PHACTR1: variants seen among roughly 807,000 people sequenced by gnomAD.
The protein encoded by PHACTR1 is phosphatase and actin regulator 1, also known as RPEL repeat containing 1.
In PHACTR1, 16 loss-of-function variants were observed where a neutral mutation model predicts 69.2. The ratio of observed to expected loss-of-function variants is 0.23; its 90% confidence interval spans 0.16 to 0.35. The LOEUF (loss-of-function observed/expected upper bound fraction) is 0.35, where lower values mean the gene tolerates loss of function less well. PHACTR1 is among the 10% of genes least tolerant of loss of function. The pLI, the probability that PHACTR1 is intolerant of heterozygous loss-of-function variation, is 1.00. For missense variants in PHACTR1, 510 were observed against 734.7 expected (o/e 0.69, Z 3.54); for synonymous variants, 312 against 284.5 (o/e 1.10, Z -0.97).
At chr6:12,891,061 T>C (rs1784123315) in intron 4 of PHACTR1, among the ~76,000 whole-genome samples, 1 of 152,204 alleles carries the variant, frequency 6.6e-6, no homozygotes, top group Non-Finnish European at 1.5e-5. Flanking sequence ...AAAAAGATTT[T>C]TGTAGGTTGC....
intron 7 of PHACTR1, among the ~76,000 whole-genome samples, chr6:13,204,557 C>T (rs1561989582): frequency 6.6e-6 from 1 of 152,168 alleles, no homozygotes; most frequent in South Asian, 2.1e-4. Context: ...TAGTCTGACC[C>T]TGAGCCCCTC....
intron 10 of PHACTR1, among the ~76,000 whole-genome samples, chr6:13,243,404 A>G (rs1773138756): frequency 6.6e-6 from 1 of 152,092 alleles, no homozygotes; most frequent in Admixed American, 6.5e-5. Flanking sequence ...CAATGAATAA[A>G]CTCTGATTTA....
Position 13,283,324 on chromosome 6 carries a change from C to T in PHACTR1, c.1510-98C>T. The T allele has an allele frequency of 2.1e-6, 3 of 1,400,274 alleles. No homozygotes were observed. Among genetic ancestry groups the T allele is most frequent in the Non-Finnish European group, 2.9e-6 (3 of 1,033,296 alleles). The allele number at this position is 1,400,274 out of a possible 1,614,324, so 86.7% of individuals were successfully genotyped here. On this transcript the variant is annotated intron_variant, in intron 12 of 14. Coordinates refer to ENST00000332995, the MANE Select transcript of PHACTR1 (RefSeq NM_030948.6). This position sits in a 1 kb window ranked among gnomAD's most constrained non-coding sequence, Gnocchi z 4.7. ...ACTATGCGATGCATCCATCGCCTCA[C>T]TGAACCTTATTTTCCACACCTGCAA... is the stretch of plus-strand genomic sequence containing the variant.
At chr6:12,910,831 C>T (rs1457859496) in intron 4 of PHACTR1, among the ~76,000 whole-genome samples, 1 of 152,172 alleles carries the variant, frequency 6.6e-6, no homozygotes, top group Non-Finnish European at 1.5e-5. Context: ...CTGGCTGGCT[C>T]TGCTGCACTA....
At chr6:12,964,289 A>C (rs146404310) in intron 4 of PHACTR1, among the ~76,000 whole-genome samples, 1 of 152,240 alleles carries the variant, frequency 6.6e-6, no homozygotes, top group Non-Finnish European at 1.5e-5. Flanking sequence ...ATTTTAACAA[A>C]ATATAGAAAA....
At chr6:12,823,046 C>A (rs1326429766) in intron 4 of PHACTR1, among the ~76,000 whole-genome samples, 2 of 152,148 alleles carry the variant, frequency 1.3e-5, no homozygotes, top group African/African-American at 4.8e-5. Context: ...GGCACCTTGG[C>A]TTCTGATTAG....
intron 4 of PHACTR1, among the ~76,000 whole-genome samples, chr6:12,842,615 C>T (rs538316470): frequency 8.8e-4 from 134 of 152,270 alleles, no homozygotes; most frequent in Non-Finnish European, 1.2e-3. Flanking sequence ...GATCAAGGCT[C>T]ACTGCAGCCT....
chr6:12,933,606 A>C (rs751502885), intron 4 of PHACTR1: 2 of 1,611,148 alleles, frequency 1.2e-6, no homozygotes, highest in East Asian at 4.5e-5. Context: ...TCACACCTTA[A>C]TGTCTTCATG....
At chr6:12,807,146 T>C (rs1774438318) in intron 4 of PHACTR1, among the ~76,000 whole-genome samples, 1 of 152,194 alleles carries the variant, frequency 6.6e-6, no homozygotes, top group Non-Finnish European at 1.5e-5. Context: ...CTTTCATAGA[T>C]TTTTCAGTGC....
At chr6:13,176,538 T>C (rs1761346677) in intron 6 of PHACTR1, among the ~76,000 whole-genome samples, 1 of 152,198 alleles carries the variant, frequency 6.6e-6, no homozygotes, top group Admixed American at 6.5e-5. Context: ...GCACGTATGT[T>C]TCCATTGTGC....
chr6:13,112,958 T>C lies in PHACTR1; in HGVS notation c.416-47246T>C, dbSNP rs1817269461. Among the ~76,000 whole-genome samples, 17 of 152,312 alleles carry C rather than the reference T, an allele frequency of 1.1e-4. No individual in the cohort carries two copies. The South Asian group carries it at 3.5e-3, about 32-fold the overall frequency. On this transcript the variant is annotated intron_variant, in intron 5 of 14. Transcript: ENST00000332995. The stretch of plus-strand genomic sequence containing the variant: ...CATAAAATCTTTGCCCATTCTTATA[T>C]TGAGAATGGTATTACCTAGGTTGCT...
intron 4 of PHACTR1, among the ~76,000 whole-genome samples, chr6:12,988,142 G>A (rs571833705): frequency 1.7e-3 from 261 of 152,268 alleles, no homozygotes; most frequent in African/African-American, 5.8e-3. Flanking sequence ...AATTAATATT[G>A]GAAATTGAAT....
chr6:13,060,140 G>A (rs977032505), intron 5 of PHACTR1, among the ~76,000 whole-genome samples: 2 of 152,120 alleles, frequency 1.3e-5, no homozygotes, highest in South Asian at 2.1e-4. Context: ...ACAGTTAACC[G>A]TGTTTAATAC....
intron 4 of PHACTR1, among the ~76,000 whole-genome samples, chr6:12,846,966 AC>A (rs1779345115): frequency 6.8e-6 from 1 of 146,034 alleles, no homozygotes; most frequent in Non-Finnish European, 1.5e-5. Context: ...CACGCCACAC[AC>A]CCTGCTAATT....
chr6:13,085,336 G>A (rs2127809086), intron 5 of PHACTR1, among the ~76,000 whole-genome samples: 1 of 151,874 alleles, frequency 6.6e-6, no homozygotes, highest in East Asian at 1.9e-4. Flanking sequence ...CATAAAAAAA[G>A]TATACAACAA....
chr6:13,096,398 C>T (rs143571127), intron 5 of PHACTR1, among the ~76,000 whole-genome samples: 13 of 152,234 alleles, frequency 8.5e-5, no homozygotes, highest in East Asian at 1.9e-4. Context: ...AATTAGAAAT[C>T]GTTGGGCAGC....
At chr6:12,855,772 A>G (rs13205779) in intron 4 of PHACTR1, among the ~76,000 whole-genome samples, 14,784 of 152,128 alleles carry the variant, frequency 0.097, 930 homozygotes, top group African/African-American at 0.17. Flanking sequence ...AACAAGCCTG[A>G]CCATGTACCC....
chr6:12,819,393 A>G (rs993761071), intron 4 of PHACTR1, among the ~76,000 whole-genome samples: 3 of 152,202 alleles, frequency 2.0e-5, no homozygotes, highest in Non-Finnish European at 4.4e-5. Context: ...GAGCAGCTCA[A>G]ACAGGTGGTC....
At chr6:12,738,189 T>C (rs928227503) in intron 3 of PHACTR1, among the ~76,000 whole-genome samples, 1 of 152,218 alleles carries the variant, frequency 6.6e-6, no homozygotes, top group African/African-American at 2.4e-5. Flanking sequence ...TATAGTTTCC[T>C]TTCCCTTTAA....
Sources: allele counts gnomAD v4.1 joint callset (sites outside exome capture counted in the v4.1 genomes callset), GRCh38; gene constraint gnomAD v4.1.1; non-coding constraint Gnocchi (gnomAD v3.1); transcripts MANE v1.5; gene names NCBI Gene and HGNC (gene_info 2026-07-23, HGNC 2026-07-21).